FBXO36: variants seen among roughly 807,000 people sequenced by gnomAD.
FBXO36 encodes the protein F-box only protein 36.
FBXO36 carries 18 observed loss-of-function variants against 17.0 expected under a neutral mutation model. The ratio of observed to expected loss-of-function variants is 1.06; its 90% CI spans 0.73 to 1.57. The LOEUF (loss-of-function observed/expected upper bound fraction) is 1.57. FBXO36 is among the 40% of genes most tolerant of loss of function. The pLI, the probability that FBXO36 is intolerant of heterozygous loss-of-function variation, is 0.00. For synonymous variants in FBXO36, 83 were observed against 85.3 expected (o/e 0.97, Z 0.15); for missense variants, 229 against 221.9 (o/e 1.03, Z -0.20).
At chr2:229,941,614 A>G (rs2076999140) in intron 1 of FBXO36, among the ~76,000 whole-genome samples, 1 of 151,960 alleles carries the variant, frequency 6.6e-6, no homozygotes, top group Admixed American at 6.6e-5. Flanking sequence ...AAAAAAAAAA[A>G]TAGAGAAGGG....
At chr2:229,980,581 C>T (rs1328960828) in intron 2 of FBXO36, among the ~76,000 whole-genome samples, 2 of 151,994 alleles carry the variant, frequency 1.3e-5, no homozygotes, top group Non-Finnish European at 2.9e-5. Flanking sequence ...AGGCACCTTC[C>T]AAGCCCTGCC....
intron 1 of FBXO36, among the ~76,000 whole-genome samples, chr2:229,970,819 A>T (rs901104752): frequency 6.6e-5 from 10 of 152,232 alleles, no homozygotes; most frequent in Admixed American, 2.0e-4. Context: ...TAATGTTACT[A>T]TAACTTATAA....
chr2:229,962,533 A>AT (rs1267711684), intron 1 of FBXO36, among the ~76,000 whole-genome samples: 1 of 149,080 alleles, frequency 6.7e-6, no homozygotes, highest in African/African-American at 2.5e-5. Context: ...ATTTTATTTT[A>AT]TTTTATTTTA....
chr2:229,980,236 T>C (rs1309411737), intron 2 of FBXO36, among the ~76,000 whole-genome samples: 3 of 149,896 alleles, frequency 2.0e-5, no homozygotes, highest in Non-Finnish European at 4.5e-5. Flanking sequence ...AATTTTTGTA[T>C]TTTTAGTAGA....
intron 2 of FBXO36, chr2:229,977,057 A>T (rs2077212248): frequency 6.6e-6 from 1 of 152,132 alleles, no homozygotes; most frequent in Non-Finnish European, 1.5e-5. Flanking sequence ...GCAGTTTCTG[A>T]CTGGTAAAGT....
chr2:229,965,598 C>A (rs1426992283), intron 1 of FBXO36, among the ~76,000 whole-genome samples: 3 of 142,520 alleles, frequency 2.1e-5, no homozygotes, highest in Non-Finnish European at 4.5e-5. Flanking sequence ...TTGTTCAGTT[C>A]CCACCTATGA....
intron 1 of FBXO36, among the ~76,000 whole-genome samples, chr2:229,950,712 GA>G (rs1199402472): frequency 6.7e-6 from 1 of 150,062 alleles, no homozygotes; most frequent in Admixed American, 6.6e-5. Flanking sequence ...GAACAATAGG[GA>G]AAAAAATCAT....
intron 3 of FBXO36, among the ~76,000 whole-genome samples, chr2:230,001,981 C>A (rs2077361610): frequency 6.6e-6 from 1 of 152,104 alleles, no homozygotes; most frequent in African/African-American, 2.4e-5. Flanking sequence ...CCACACCTGG[C>A]TAATTTTATT....
intron 2 of FBXO36, 194 bp downstream of exon 2, chr2:229,976,543 G>A (rs796163564): frequency 4.4e-5 from 21 of 473,498 alleles, no homozygotes; most frequent in African/African-American, 1.2e-4. Context: ...GCATTTGGCC[G>A]GGCGCGGTCG....
In FBXO36 at chr2:229,933,379, C is replaced by T. The variant is rs557732328; in HGVS notation, c.96+10770C>T. Among the ~76,000 whole-genome samples the T allele has an allele frequency of 1.0e-4, 15 of 150,444 alleles. No individual in the cohort carries two copies. The South Asian group carries it at 3.1e-3, about 31-fold the overall frequency. ...CTTCACTCCAGCCTGAACAAAAGAG[C>T]AAAAAAAGAGCAAAACTCTCTCATA... On this transcript the variant is annotated intron_variant, in intron 1 of 3. Coordinates refer to ENST00000283946, the MANE Select transcript of FBXO36 (RefSeq NM_174899.5).
intron 1 of FBXO36, among the ~76,000 whole-genome samples, chr2:229,969,325 T>C (rs2077169149): frequency 1.4e-5 from 2 of 146,538 alleles, no homozygotes; most frequent in African/African-American, 5.1e-5. Context: ...CAAGCAAGCC[T>C]CCCACCTCAG....
At chr2:229,955,444 A>C (rs1468130615) in intron 1 of FBXO36, among the ~76,000 whole-genome samples, 1 of 151,748 alleles carries the variant, frequency 6.6e-6, no homozygotes, top group Non-Finnish European at 1.5e-5. Flanking sequence ...TGAATCCAGG[A>C]GGTCAAGGCT....
chr2:229,988,795 T>A (rs183598092), intron 2 of FBXO36, among the ~76,000 whole-genome samples: 1 of 151,306 alleles, frequency 6.6e-6, no homozygotes, highest in East Asian at 1.9e-4. Context: ...CCCAAAGTGC[T>A]GGGATTATAG....
intron 1 of FBXO36, among the ~76,000 whole-genome samples, chr2:229,933,531 A>G (rs1577326789): frequency 1.3e-5 from 2 of 152,320 alleles, no homozygotes; most frequent in East Asian, 3.9e-4. Flanking sequence ...AACCAGATGT[A>G]TGTAACAAGC....
chr2:229,930,941 A>C (rs2076935797), intron 1 of FBXO36, among the ~76,000 whole-genome samples: 1 of 152,122 alleles, frequency 6.6e-6, no homozygotes, highest in Non-Finnish European at 1.5e-5. Context: ...AGGTTAGGCC[A>C]GGTGTTTATA....
At chr2:229,975,129 A>G (rs533021472) in intron 1 of FBXO36, among the ~76,000 whole-genome samples, 1 of 152,220 alleles carries the variant, frequency 6.6e-6, no homozygotes, top group African/African-American at 2.4e-5. Flanking sequence ...GTCCATAACC[A>G]TGGAAATGAA....
intron 1 of FBXO36, among the ~76,000 whole-genome samples, chr2:229,951,466 A>G (rs542395749): frequency 9.8e-4 from 139 of 142,342 alleles, no homozygotes; most frequent in African/African-American, 3.6e-3. Flanking sequence ...CTGGTCTTGA[A>G]CTCCTCATCT....
rs2077419671 is a variant in FBXO36, at chr2:230,012,338, C to G, written c.*1454C>G. On this transcript the variant is annotated 3_prime_UTR_variant, in exon 4 of 4. Transcript: ENST00000283946. ...ATCTTCATTCACACACCCTTAAAAC[C>G]CAGTCACGGGGCTCCCCGGTGCCAG... is the stretch of plus-strand genomic sequence containing the variant. 1 of 152,192 alleles carries G rather than the reference C, an allele frequency of 6.6e-6. No individual in the cohort carries two copies. Among genetic ancestry groups the G allele is most frequent in the Non-Finnish European group, 1.5e-5 (1 of 68,048 alleles). 9.4% of individuals were successfully genotyped at this position (152,192 alleles called of 1,614,324 possible).
At position 230,013,033 on chromosome 2, in the gene FBXO36, AAAAG is replaced by A. The variant is rs1037081285; in HGVS notation, c.*2151_*2154del. On this transcript the variant is annotated 3_prime_UTR_variant, in exon 4 of 4. Coordinates refer to ENST00000283946, the MANE Select transcript of FBXO36 (RefSeq NM_174899.5). Reference sequence around the variant, plus strand: ...AAAAATAAATGCTAAAGTAAATAAAAAAAGAGCCATTAATATGTTAACTATTGTT... The same window carrying A: ...AAAAATAAATGCTAAAGTAAATAAAAAGCCATTAATATGTTAACTATTGTT... The A allele has an allele frequency of 6.6e-6, 1 of 151,492 alleles. No homozygotes were observed. The highest frequency in any genetic ancestry group is 2.1e-4 in the South Asian group (1 of 4,822). 9.4% of individuals were successfully genotyped at this position (151,492 alleles called of 1,614,324 possible). A position where few individuals can be genotyped will look rare whatever the true frequency, so the allele number is the denominator to read the frequency against.
Sources: allele counts gnomAD v4.1 joint callset (sites outside exome capture counted in the v4.1 genomes callset), GRCh38; gene constraint gnomAD v4.1.1; transcripts MANE v1.5; gene names NCBI Gene and HGNC (gene_info 2026-07-23, HGNC 2026-07-21).